The following THSD4 variants were observed in gnomAD, a reference collection of about 807,000 sequenced individuals.
The protein encoded by THSD4 is thrombospondin type 1 domain containing 4.
In THSD4, 69 loss-of-function variants were observed where a neutral mutation model predicts 119.0. The observed-to-expected ratio is 0.58, with a 90% CI of 0.48 to 0.71. The LOEUF is 0.71. THSD4 is among the 30% of genes least tolerant of loss of function. THSD4 has a pLI of 0.00. For missense variants in THSD4, 1,393 were observed against 1,391.1 expected, an observed-to-expected ratio of 1.00 and a Z score of -0.02; for synonymous variants, 524 against 540.4, an observed-to-expected ratio of 0.97 and a Z score of 0.42.
chr15:71,157,369 T>C (rs1377267517), intron 3 of THSD4, among the ~76,000 whole-genome samples: 1 of 152,226 alleles, frequency 6.6e-6, no homozygotes, highest in African/African-American at 2.4e-5. Flanking sequence ...AATTTGGTGG[T>C]ATTTTAATAC....
intron 6 of THSD4, among the ~76,000 whole-genome samples, chr15:71,303,590 G>A (rs2044981860): frequency 6.6e-6 from 1 of 152,144 alleles, no homozygotes; most frequent in African/African-American, 2.4e-5. Flanking sequence ...TCTTGAATGT[G>A]TTCTCTTCCA....
At chr15:71,609,999 G>A (rs183310342) in intron 7 of THSD4, among the ~76,000 whole-genome samples, 172 of 152,216 alleles carry the variant, frequency 1.1e-3, no homozygotes, top group African/African-American at 2.7e-3. Flanking sequence ...AAATACAGGC[G>A]GCCTGGCATG....
intron 1 of THSD4, among the ~76,000 whole-genome samples, chr15:71,108,127 A>G (rs2040281716): frequency 6.6e-6 from 1 of 152,118 alleles, no homozygotes; most frequent in Non-Finnish European, 1.5e-5. Flanking sequence ...AGCTCTTTAC[A>G]ATGGAGACAT....
chr15:71,251,473 T>A (rs2044258377), intron 5 of THSD4, among the ~76,000 whole-genome samples: 1 of 152,198 alleles, frequency 6.6e-6, no homozygotes, highest in Admixed American at 6.5e-5. Flanking sequence ...TAGTTTAGAC[T>A]TGGAGAAGCA....
intron 6 of THSD4, among the ~76,000 whole-genome samples, chr15:71,341,872 T>C (rs1239070647): frequency 6.6e-6 from 1 of 152,226 alleles, no homozygotes; most frequent in African/African-American, 2.4e-5. Context: ...TCTAGAATAA[T>C]GACCTTAATG....
chr15:71,473,424 C>G (rs1231358274), intron 7 of THSD4, among the ~76,000 whole-genome samples: 2 of 152,174 alleles, frequency 1.3e-5, no homozygotes, highest in Non-Finnish European at 2.9e-5. Context: ...AGCCTTTTCT[C>G]CAGGCCATAC....
At chr15:71,544,128 C>T (rs953311099) in intron 7 of THSD4, among the ~76,000 whole-genome samples, 2 of 152,060 alleles carry the variant, frequency 1.3e-5, no homozygotes, top group Non-Finnish European at 2.9e-5. Flanking sequence ...GAGACAGGGC[C>T]TAGAATATAG....
intron 7 of THSD4, among the ~76,000 whole-genome samples, chr15:71,578,765 T>G (rs2049503305): frequency 6.6e-6 from 1 of 152,060 alleles, no homozygotes; most frequent in Admixed American, 6.6e-5. Flanking sequence ...TGATAGTAAA[T>G]AATGAACACT....
intron 1 of THSD4, among the ~76,000 whole-genome samples, chr15:71,101,043 A>G (rs980163672): frequency 2.5e-4 from 38 of 152,072 alleles, no homozygotes; most frequent in Non-Finnish European, 4.4e-4. Context: ...AATAAAATTG[A>G]TATGTTTGTA....
chr15:71,659,821 G>T (rs1317675349), intron 7 of THSD4, among the ~76,000 whole-genome samples: 1 of 152,194 alleles, frequency 6.6e-6, no homozygotes, highest in Admixed American at 6.5e-5. Context: ...GATTCCTTTT[G>T]TCGGGGGAGG....
Position 71,242,932 on chromosome 15 carries a change from G to T in THSD4, c.748G>T (p.Asp250Tyr), listed in dbSNP as rs2044166133. Residue 250 changes from aspartate to tyrosine, a missense_variant, in exon 5 of 18, where the codon GAT becomes TAT. Asp to Tyr is a radical substitution (Grantham distance 160). Transcript: ENST00000261862. ...CATCTACCAGCTACCTTTGACCCAT[G>T]ATCAAGGCTACCCTGCAGCTTCAAG... ...APIYQLPLTH[D>Y]QGYPAASSLF... 2.5e-6 allele frequency: 4 copies of T among 1,614,194 alleles called. No individual in the cohort carries two copies. The East Asian group carries it at 8.9e-5, about 36-fold the overall frequency.
intron 7 of THSD4, among the ~76,000 whole-genome samples, chr15:71,534,932 C>G (rs896884656): frequency 6.4e-4 from 89 of 138,056 alleles, no homozygotes; most frequent in African/African-American, 1.9e-3. Context: ...GAACTCCATC[C>G]TGGGTGACAG....
At chr15:71,504,229 A>G (rs566041886) in intron 7 of THSD4, among the ~76,000 whole-genome samples, 12 of 152,338 alleles carry the variant, frequency 7.9e-5, no homozygotes, top group African/African-American at 2.9e-4. Flanking sequence ...CCAAATCACC[A>G]GCAGGTCGTG....
At chr15:71,301,766 T>A (rs1282158991) in intron 6 of THSD4, among the ~76,000 whole-genome samples, 1 of 152,256 alleles carries the variant, frequency 6.6e-6, no homozygotes, top group East Asian at 1.9e-4. Context: ...GTTTCGAAGT[T>A]GAGTGTGTGC....
chr15:71,783,145 A>G lies in THSD4; in HGVS notation c.*5771A>G, dbSNP rs1231986034. 1 of 152,242 alleles carries G rather than the reference A, an allele frequency of 6.6e-6. No homozygotes were observed. Among genetic ancestry groups the G allele is most frequent in the African/African-American group, 2.4e-5 (1 of 41,470 alleles). 9.4% of individuals were successfully genotyped at this position (152,242 alleles called of 1,614,324 possible). A position where few individuals can be genotyped will look rare whatever the true frequency, so the allele number is the denominator to read the frequency against. On this transcript the variant is annotated 3_prime_UTR_variant, in exon 18 of 18. Transcript: ENST00000261862. ...CTCTACAGTGTTAAATTATTACATA[A>G]GCAGGTGAAAGGTAGAAGGCGAATT...
chr15:71,277,128 C>CTTTGTTTTTTTTTT (rs2044600646), intron 6 of THSD4, among the ~76,000 whole-genome samples: 1 of 123,020 alleles, frequency 8.1e-6, no homozygotes, highest in East Asian at 2.7e-4. Flanking sequence ...TCTTCTTCTT[C>CTTTGTTTTTTTTTT]TTTTTTTTTT....
chr15:71,380,301 T>C (rs1461623883), intron 6 of THSD4, among the ~76,000 whole-genome samples: 1 of 152,126 alleles, frequency 6.6e-6, no homozygotes, highest in Non-Finnish European at 1.5e-5. Flanking sequence ...TCTGTCGTCA[T>C]CATAAAAGGA....
At chr15:71,724,287 A>ATATATATATATATATTTTTT in intron 8 of THSD4, among the ~76,000 whole-genome samples, 6 of 37,290 alleles carry the variant, frequency 1.6e-4, no homozygotes, top group East Asian at 3.5e-3. Flanking sequence ...ATATATATAT[A>ATATATATATATATATTTTTT]TTTTTTTTTT....
intron 6 of THSD4, among the ~76,000 whole-genome samples, chr15:71,283,027 T>C (rs1221625633): frequency 1.3e-5 from 2 of 148,982 alleles, no homozygotes; most frequent in African/African-American, 5.0e-5. Flanking sequence ...TGGAGTGCAG[T>C]GGCACAATCT....
Sources: allele counts gnomAD v4.1 joint callset (sites outside exome capture counted in the v4.1 genomes callset), GRCh38; gene constraint gnomAD v4.1.1; transcripts MANE v1.5; gene names NCBI Gene and HGNC (gene_info 2026-07-23, HGNC 2026-07-21).